PCSK2: variants seen among roughly 807,000 people sequenced by gnomAD.
PCSK2 encodes neuroendocrine convertase 2.
PCSK2 carries 14 observed loss-of-function variants against 69.7 expected under a neutral mutation model. The ratio of observed to expected loss-of-function variants is 0.20; its 90% CI spans 0.13 to 0.31. PCSK2 has a LOEUF of 0.31. PCSK2 is among the 10% of genes least tolerant of loss of function. PCSK2 has a pLI of 1.00. For missense variants in PCSK2, 544 were observed against 842.5 expected (o/e 0.65, Z 4.39); for synonymous variants, 307 against 320.7 (o/e 0.96, Z 0.46).
At chr20:17,408,196 A>G (rs957143672) in intron 5 of PCSK2, among the ~76,000 whole-genome samples, 1 of 152,090 alleles carries the variant, frequency 6.6e-6, no homozygotes, top group Non-Finnish European at 1.5e-5. Context: ...CCAAGAAGCC[A>G]TCTGGGGTCT....
At chr20:17,315,201 C>T (rs1305507751) in intron 2 of PCSK2, among the ~76,000 whole-genome samples, 1 of 152,034 alleles carries the variant, frequency 6.6e-6, no homozygotes. Flanking sequence ...TTTATCATAA[C>T]TGCCTGACTC....
intron 2 of PCSK2, among the ~76,000 whole-genome samples, chr20:17,337,009 A>G (rs1272830770): frequency 6.6e-6 from 1 of 152,232 alleles, no homozygotes; most frequent in African/African-American, 2.4e-5. Context: ...AGGACATCCA[A>G]GAAACCATGC....
chr20:17,349,660 GA>G (rs375689991), intron 2 of PCSK2, among the ~76,000 whole-genome samples: 18 of 148,846 alleles, frequency 1.2e-4, no homozygotes, highest in Admixed American at 7.3e-4. Context: ...AACCTACCAA[GA>G]AAAAAAAAAT....
At chr20:17,434,641 G>A (rs972559491) in intron 7 of PCSK2, among the ~76,000 whole-genome samples, 4 of 152,202 alleles carry the variant, frequency 2.6e-5, no homozygotes, top group African/African-American at 9.6e-5. Flanking sequence ...GGCACAGCTG[G>A]AAGTGCCATG....
intron 8 of PCSK2, among the ~76,000 whole-genome samples, chr20:17,440,021 A>T (rs1033549526): frequency 6.6e-6 from 1 of 152,218 alleles, no homozygotes; most frequent in Non-Finnish European, 1.5e-5. Flanking sequence ...TAGAGAGCCG[A>T]CACTGCACAG....
At chr20:17,358,478 T>G (rs2030283784) in intron 3 of PCSK2, 38 bp downstream of exon 3, 1 of 1,094,550 alleles carries the variant, frequency 9.1e-7, no homozygotes, top group African/African-American at 1.5e-5. Flanking sequence ...TTTCCCATCT[T>G]GAGACTCTGG....
At chr20:17,227,603 C>A in intron 1 of PCSK2, 121 bp downstream of exon 1, 1 of 706,196 alleles carries the variant, frequency 1.4e-6, no homozygotes, top group Non-Finnish European at 2.4e-6. Context: ...AGATATTCTG[C>A]CATGGGCTCT....
At chr20:17,412,402 G>A (rs2031895700) in intron 6 of PCSK2, among the ~76,000 whole-genome samples, 4 of 152,260 alleles carry the variant, frequency 2.6e-5, no homozygotes, top group South Asian at 2.1e-4. Flanking sequence ...TTCAATAGCC[G>A]ATTTGATCAA....
chr20:17,359,415 AC>A (rs986364075), intron 3 of PCSK2, among the ~76,000 whole-genome samples: 2 of 152,128 alleles, frequency 1.3e-5, no homozygotes, highest in African/African-American at 4.8e-5. Context: ...CTTGTTTCTC[AC>A]TTTTGCTACA....
rs369600765 is a variant in PCSK2, at chr20:17,373,431, TG to T, written c.543+4158del. Among the ~76,000 whole-genome samples, 16 of 152,280 alleles carry T rather than the reference TG, an allele frequency of 1.1e-4. No homozygotes were observed. In the East Asian group the frequency reaches 3.1e-3, roughly 29 times the overall value. Reference sequence around the variant, plus strand: ...AAGATGTTCCTACCTCCCCACAGCCTGGGGAAAAGCCCTGGGCAGAGGTGTG... The same window carrying T: ...AAGATGTTCCTACCTCCCCACAGCCTGGGAAAAGCCCTGGGCAGAGGTGTG... On this transcript the variant is annotated intron_variant, in intron 5 of 11. Transcript: ENST00000262545.
intron 2 of PCSK2, among the ~76,000 whole-genome samples, chr20:17,284,432 G>T (rs578188825): frequency 6.6e-6 from 1 of 152,332 alleles, no homozygotes; most frequent in South Asian, 2.1e-4. Context: ...CTTTGCAGGA[G>T]TTATCTGATC....
intron 11 of PCSK2, among the ~76,000 whole-genome samples, chr20:17,471,395 A>G (rs2033198691): frequency 6.6e-6 from 1 of 152,248 alleles, no homozygotes; most frequent in South Asian, 2.1e-4. Context: ...ACTATATTTC[A>G]GCACTAACTC....
chr20:17,433,812 T>TCTCTCTCTCCCCCC (rs774361715), intron 7 of PCSK2, among the ~76,000 whole-genome samples: 2 of 104,172 alleles, frequency 1.9e-5, no homozygotes, highest in African/African-American at 8.2e-5. Flanking sequence ...TCTCTCTCTC[T>TCTCTCTCTCCCCCC]CCCCCCACTT....
intron 10 of PCSK2, among the ~76,000 whole-genome samples, chr20:17,462,951 G>T (rs1309324892): frequency 6.6e-6 from 1 of 152,144 alleles, no homozygotes; most frequent in Non-Finnish European, 1.5e-5. Flanking sequence ...GAATATTGTA[G>T]TCTGTCAATT....
intron 5 of PCSK2, among the ~76,000 whole-genome samples, chr20:17,378,473 C>G (rs2030991933): frequency 6.6e-6 from 1 of 152,124 alleles, no homozygotes; most frequent in African/African-American, 2.4e-5. Context: ...GGCTTAAAGA[C>G]CAGGGTAATG....
At chr20:17,346,901 C>A (rs1990668088) in intron 2 of PCSK2, among the ~76,000 whole-genome samples, 1 of 152,166 alleles carries the variant, frequency 6.6e-6, no homozygotes, top group Non-Finnish European at 1.5e-5. Flanking sequence ...TCGTTGGCTG[C>A]CTTGGCACCT....
In PCSK2 at chr20:17,260,228, G is replaced by A. The variant is rs770772545; in HGVS notation, c.178-12G>A. 2 of 1,576,706 alleles carry A rather than the reference G, an allele frequency of 1.3e-6. No homozygotes were observed. The highest frequency in any genetic ancestry group is 8.7e-7 in the Non-Finnish European group (1 of 1,146,032). Reference sequence around the variant, plus strand: ...AAGCTAACTATGCCTATGTCTACTTGACTCTCCACAGCTTCCCTTTGCTGA... The same window carrying A: ...AAGCTAACTATGCCTATGTCTACTTAACTCTCCACAGCTTCCCTTTGCTGA... On this transcript the variant is annotated splice_polypyrimidine_tract_variant and intron_variant, in intron 1 of 11. Transcript: ENST00000262545.
At chr20:17,289,475 G>T (rs979055124) in intron 2 of PCSK2, among the ~76,000 whole-genome samples, 2 of 152,042 alleles carry the variant, frequency 1.3e-5, no homozygotes, top group Non-Finnish European at 2.9e-5. Context: ...ACTCATTTTT[G>T]CTGTAAACCT....
chr20:17,236,791 AG>A (rs1377533082), intron 1 of PCSK2, among the ~76,000 whole-genome samples: 1 of 152,190 alleles, frequency 6.6e-6, no homozygotes, highest in Non-Finnish European at 1.5e-5. Context: ...AAAAATTGGC[AG>A]GGGAAGTCCT....
Sources: allele counts gnomAD v4.1 joint callset (sites outside exome capture counted in the v4.1 genomes callset), GRCh38; gene constraint gnomAD v4.1.1; transcripts MANE v1.5; gene names NCBI Gene and HGNC (gene_info 2026-07-23, HGNC 2026-07-21).